The following TNFRSF10A variants were observed in gnomAD, a reference collection of about 807,000 sequenced individuals.
TNFRSF10A encodes the protein tumor necrosis factor receptor superfamily member 10A.
In TNFRSF10A, 44 loss-of-function variants were observed where a neutral mutation model predicts 42.8. That is an observed-to-expected ratio of 1.03 (90% CI 0.81 to 1.32). The LOEUF (loss-of-function observed/expected upper bound fraction) is 1.32, where lower values mean the gene tolerates loss of function less well. Among genes scored for constraint, TNFRSF10A ranks in the 40% most tolerant of loss-of-function variants. The pLI is 0.00. For missense variants in TNFRSF10A, 680 were observed against 602.0 expected, an observed-to-expected ratio of 1.13 and a Z score of -1.36; for synonymous variants, 259 against 234.2, an observed-to-expected ratio of 1.11 and a Z score of -0.97.
intron 8 of TNFRSF10A, among the ~76,000 whole-genome samples, chr8:23,198,224 G>C (rs1363688705): frequency 2.6e-5 from 4 of 152,054 alleles, no homozygotes; most frequent in Non-Finnish European, 5.9e-5. Context: ...ACAATTCAGG[G>C]AGTGCCTCGC....
chr8:23,220,032 T>A (rs1801236159), intron 1 of TNFRSF10A, among the ~76,000 whole-genome samples: 1 of 152,114 alleles, frequency 6.6e-6, no homozygotes, highest in South Asian at 2.1e-4. Flanking sequence ...ATGTGATGAT[T>A]CACATCCCCT....
intron 9 of TNFRSF10A, among the ~76,000 whole-genome samples, chr8:23,196,350 C>T (rs111308575): frequency 0.1 from 15,194 of 152,124 alleles, 980 homozygotes; most frequent in Middle Eastern, 0.17. Context: ...CCCGCCAATA[C>T]GCCTGGCTAA....
At chr8:23,198,340 G>GTC in intron 8 of TNFRSF10A, among the ~76,000 whole-genome samples, 1 of 152,300 alleles carries the variant, frequency 6.6e-6, no homozygotes, top group African/African-American at 2.4e-5. Context: ...AGTTCGTCTT[G>GTC]TGTTGGCAAA....
chr8:23,217,061 C>G (rs1232961956), intron 1 of TNFRSF10A, among the ~76,000 whole-genome samples: 1 of 152,134 alleles, frequency 6.6e-6, no homozygotes, highest in Non-Finnish European at 1.5e-5. Context: ...ATGTTCAGAT[C>G]TGTTATTTTA....
intron 2 of TNFRSF10A, chr8:23,206,892 T>C (rs1457946570): frequency 7.6e-6 from 2 of 262,718 alleles, no homozygotes; most frequent in East Asian, 9.3e-5. Flanking sequence ...TCAAAACTAC[T>C]CCTAAAGAAA....
At position 23,191,642 on chromosome 8, in the gene TNFRSF10A, A is replaced by C. The variant is rs1010793913; in HGVS notation, c.*52T>G. ...ACATGTTAAAAAAAAAAAAAACCTA[A>C]TATGTATTAACTCCTAACACCTAAG... On this transcript the variant is annotated 3_prime_UTR_variant, in exon 10 of 10. Coordinates refer to ENST00000221132, the MANE Select transcript of TNFRSF10A (RefSeq NM_003844.4). 6.7e-7 allele frequency: 1 copy of C among 1,494,646 alleles called. No homozygotes were observed. The highest frequency in any genetic ancestry group is 2.4e-5 in the East Asian group (1 of 42,550). The allele number at this position is 1,494,646 out of a possible 1,614,324, so 92.6% of individuals were successfully genotyped here.
At chr8:23,214,659 G>A (rs116279092) in intron 1 of TNFRSF10A, among the ~76,000 whole-genome samples, 2,687 of 152,228 alleles carry the variant, frequency 0.018, 64 homozygotes, top group African/African-American at 0.061. Context: ...AACATATAGT[G>A]TGTCCTGGAG....
Position 23,198,499 on chromosome 8 carries a change from T to G in TNFRSF10A, c.1014+767A>C, listed in dbSNP as rs116501731. Among the ~76,000 whole-genome samples, 536 of 152,184 alleles carry G rather than the reference T, an allele frequency of 3.5e-3. 2 individuals are homozygous for G. The highest frequency in any genetic ancestry group is 0.012 in the African/African-American group (517 of 41,506). On this transcript the variant is annotated intron_variant, in intron 8 of 9. Coordinates refer to ENST00000221132, the MANE Select transcript of TNFRSF10A (RefSeq NM_003844.4). ...TACTGTCTGAATGTGAGAAAAAGCA[T>G]GAGTAGGAGAGCAGGCCTTCTCATA...
In TNFRSF10A at chr8:23,224,828, C is replaced by T. The variant is rs1024404656; in HGVS notation, c.234G>A (p.Pro78=). Residue 78 remains proline (P), a synonymous_variant, in exon 1 of 10, where the codon CCG becomes CCA. Transcript: ENST00000221132. ...ARAGRAPGPR[P]AREASPRLRV... ...GGAGCCGAGGGCTGGCTTCCCGCGC[C>T]GGCCTGGGTCCTGGGGCGCGCCCTG... is the stretch of plus-strand genomic sequence containing the variant. 1.5e-5 allele frequency: 24 copies of T among 1,565,724 alleles called. No individual in the cohort carries two copies. The Admixed American group carries it at 3.8e-4, about 25-fold the overall frequency.
rs1038970797 is a variant in TNFRSF10A, at chr8:23,190,837, G to A, written c.*857C>T. ...ATCCAGCCCAAAAACCTAAGACCCA[G>A]GGAAGCCGATGGTGTAATTCTTAGT... On this transcript the variant is annotated 3_prime_UTR_variant, in exon 10 of 10. Coordinates refer to ENST00000221132, the MANE Select transcript of TNFRSF10A (RefSeq NM_003844.4). The A allele has an allele frequency of 6.6e-6, 1 of 152,208 alleles. No homozygotes were observed. Among genetic ancestry groups the A allele is most frequent in the Non-Finnish European group, 1.5e-5 (1 of 68,096 alleles). 9.4% of individuals were successfully genotyped at this position (152,208 alleles called of 1,614,324 possible).
Position 23,191,768 on chromosome 8 carries a change from G to A in TNFRSF10A, c.1333C>T (p.Gln445Ter). The A allele has an allele frequency of 6.2e-7, 1 of 1,614,170 alleles. No individual in the cohort carries two copies. The stretch of plus-strand genomic sequence containing the variant: ...TTTCCAGAGTCCACCAAGAGGTCCT[G>A]AATCTTCTCTCTTGCATGTCTCTCT... ...MEERHAREKI[Q>*]DLLVDSGKFI... is the part of the protein sequence containing the mutation. Residue 445 changes from glutamine (Q) to a stop codon, truncating the protein, a stop_gained, in exon 10 of 10, where the codon CAG (glutamine) becomes TAG (stop). Transcript: ENST00000221132. LOFTEE classifies it low-confidence loss of function (END_TRUNC).
In TNFRSF10A at chr8:23,200,486, G is replaced by T. The variant is rs747871540; in HGVS notation, c.799+19C>A. On this transcript the variant is annotated intron_variant, in intron 6 of 9. Transcript: ENST00000221132. ...AGGGCAGAGAGTGCCCAGAGCCCTT[G>T]CCCTCAGCCAGCACCTACCTGAGCC... is the stretch of plus-strand genomic sequence containing the variant. The T allele has an allele frequency of 8.7e-6, 14 of 1,613,578 alleles. No individual in the cohort carries two copies. The South Asian group carries it at 1.5e-4, about 18-fold the overall frequency.
At chr8:23,196,740 CT>C (rs1800829008) in intron 9 of TNFRSF10A, among the ~76,000 whole-genome samples, 1 of 152,162 alleles carries the variant, frequency 6.6e-6, no homozygotes, top group Admixed American at 6.5e-5. Flanking sequence ...TGCATTAAGT[CT>C]TTGGAATCAG....
intron 1 of TNFRSF10A, among the ~76,000 whole-genome samples, chr8:23,220,737 C>T (rs1801245425): frequency 6.6e-6 from 1 of 152,224 alleles, no homozygotes; most frequent in African/African-American, 2.4e-5. Flanking sequence ...TGCCCAACAG[C>T]ACAGGCTCAG....
chr8:23,216,064 T>A (rs2128851168), intron 1 of TNFRSF10A, among the ~76,000 whole-genome samples: 1 of 152,262 alleles, frequency 6.6e-6, no homozygotes, highest in East Asian at 1.9e-4. Context: ...GTGAATCGCC[T>A]GCCTCGGCCT....
chr8:23,203,623 T>C (rs1800966969), intron 2 of TNFRSF10A, among the ~76,000 whole-genome samples: 1 of 152,218 alleles, frequency 6.6e-6, no homozygotes, highest in Non-Finnish European at 1.5e-5. Flanking sequence ...CTCTGATTCA[T>C]ATTTACTGAT....
At chr8:23,207,413 A>T in intron 2 of TNFRSF10A, 4 of 506,352 alleles carry the variant, frequency 7.9e-6, no homozygotes, top group South Asian at 6.4e-5. Context: ...ATATGTTTTC[A>T]CCAGAAAAAC....
chr8:23,199,743 A>G (rs889999794), intron 7 of TNFRSF10A, 143 bp downstream of exon 7: 10 of 1,164,524 alleles, frequency 8.6e-6, no homozygotes, highest in Non-Finnish European at 1.1e-5. Flanking sequence ...TGTGTCCCCC[A>G]TAGTCAATGC....
intron 8 of TNFRSF10A, among the ~76,000 whole-genome samples, chr8:23,198,667 T>C (rs1800860892): frequency 6.6e-6 from 1 of 151,980 alleles, no homozygotes; most frequent in African/African-American, 2.4e-5. Context: ...TCAAAATACA[T>C]GAACTGGTAC....
Sources: gnomAD v4.1 joint callset for allele counts (sites outside exome capture counted in the v4.1 genomes callset) on GRCh38, gnomAD v4.1.1 for gene constraint, MANE v1.5 for transcripts, NCBI Gene and HGNC (gene_info 2026-07-23, HGNC 2026-07-21) for gene names.